The following OR6C6 variants were observed in gnomAD, a reference collection of about 807,000 sequenced individuals.
OR6C6 encodes the protein olfactory receptor family 6 subfamily C member 6, also known as olfactory receptor 6C6.
For missense variants in OR6C6, 411 were observed against 366.8 expected (o/e 1.12, Z -0.98); for synonymous variants, 140 against 135.2 (o/e 1.04, Z -0.25).
Position 55,295,263 on chromosome 12 carries a change from T to C in OR6C6, c.-25-6A>G, listed in dbSNP as rs368801327. The C allele has an allele frequency of 7.6e-5, 108 of 1,421,434 alleles. No homozygotes were observed. The highest frequency in any genetic ancestry group is 7.3e-4 in the Middle Eastern group (4 of 5,460). The allele number at this position is 1,421,434 out of a possible 1,614,324, so 88.1% of individuals were successfully genotyped here. On this transcript the variant is annotated splice_region_variant and splice_polypyrimidine_tract_variant and intron_variant, in intron 1 of 1. Transcript: ENST00000358433. ...TTTTGTGATCCTTATCAAATCTACA[T>C]AGAAAGGGAAAAACAAAATTTATAC... is the stretch of plus-strand genomic sequence containing the variant.
chr12:55,295,456 C>A (rs890765559), intron 1 of OR6C6, among the ~76,000 whole-genome samples, 199 bp from the exon 2 acceptor site: 8 of 152,000 alleles, frequency 5.3e-5, no homozygotes, highest in Non-Finnish European at 8.8e-5. Context: ...ATATTCCTCA[C>A]AAAGTTTCTT....
chr12:55,294,316 T>C lies in OR6C6; in HGVS notation c.917A>G (p.Asn306Ser), dbSNP rs1954571052. 1.9e-6 allele frequency: 3 copies of C among 1,596,904 alleles called. No homozygotes were observed. Among genetic ancestry groups the C allele is most frequent in the Non-Finnish European group, 1.7e-6 (2 of 1,172,988 alleles). Residue 306 changes from asparagine (N) to serine (S), a missense_variant, in exon 2 of 2, where the codon AAT becomes AGT. Physicochemically the swap from Asn to Ser is conservative, Grantham distance 46. Transcript: ENST00000358433. ...AAATGGTCTTTTAGAAAAACACAAATTCTTTTGTAATACATCCCAGAAGAC... is the reference window on the plus strand; with the variant it reads ...AAATGGTCTTTTAGAAAAACACAAACTCTTTTGTAATACATCCCAGAAGAC... Reference protein sequence around the residue: ...KEVFWDVLQKNLCFSKRPF With the variant: ...KEVFWDVLQKSLCFSKRPF
Position 55,295,136 on chromosome 12 carries a change from A to T in OR6C6, c.97T>A (p.Tyr33Asn), listed in dbSNP as rs769300238. ...AAGTTCCCCATCAGGCTCAAGGTGT[A>T]GTTGAGAAATAGAAACAGGAAAATC... ...IVIFLFLFLNYTLSLMGNLII... is the reference protein window; with the variant it reads ...IVIFLFLFLNNTLSLMGNLII... Residue 33 changes from tyrosine to asparagine, a missense_variant, in exon 2 of 2, where the codon TAC becomes AAC. Physicochemically the swap from Tyr to Asn is moderately radical, Grantham distance 143. Transcript: ENST00000358433. The T allele has an allele frequency of 6.2e-7, 1 of 1,613,740 alleles. No individual in the cohort carries two copies.
Position 55,295,057 on chromosome 12 carries a change from AAATAC to A in OR6C6, c.171_175del (p.Met57IlefsTer5). ...CAAAAAGGAGAAATTACGGAGAAAG[AAATAC>A]ATTGGCGTCTTGAGCCGGGGATCCA... is the stretch of plus-strand genomic sequence containing the variant. On this transcript the variant is annotated frameshift_variant, in exon 2 of 2. Transcript: ENST00000358433. LOFTEE classifies it low-confidence loss of function (END_TRUNC). The A allele has an allele frequency of 6.2e-7, 1 of 1,614,060 alleles. No individual in the cohort carries two copies. The highest frequency in any genetic ancestry group is 8.5e-7 in the Non-Finnish European group (1 of 1,180,010).
Position 55,295,049 on chromosome 12 carries a change from G to C in OR6C6, c.184C>G (p.Arg62Gly), listed in dbSNP as rs372117452. ...ATTACTTCCAAAAAGGAGAAATTACGGAGAAAGAAATACATTGGCGTCTTG... is the reference window on the plus strand; with the variant it reads ...ATTACTTCCAAAAAGGAGAAATTACCGAGAAAGAAATACATTGGCGTCTTG... ...RLKTPMYFFL[R>G]NFSFLEVIFT... Residue 62 changes from arginine to glycine, a missense_variant, in exon 2 of 2, where the codon CGT (arginine) becomes GGT (glycine). Transcript: ENST00000358433. 6.2e-7 allele frequency: 1 copy of C among 1,613,962 alleles called. No individual in the cohort carries two copies. Among genetic ancestry groups the C allele is most frequent in the East Asian group, 2.2e-5 (1 of 44,844 alleles).
chr12:55,295,585 C>G (rs1473545581), intron 1 of OR6C6, among the ~76,000 whole-genome samples: 2 of 151,926 alleles, frequency 1.3e-5, no homozygotes, highest in African/African-American at 4.8e-5. Context: ...AAATTTTTTT[C>G]TCTATTATTT....
intron 1 of OR6C6, 71 bp downstream of exon 1, chr12:55,296,248 A>T (rs1297813330): frequency 6.6e-6 from 1 of 152,042 alleles, no homozygotes; most frequent in African/African-American, 2.4e-5. Flanking sequence ...ATTTAACTCC[A>T]TGAGTTGCAC....
In OR6C6 at chr12:55,295,106, T is replaced by C. The variant is rs760918759; in HGVS notation, c.127A>G (p.Ile43Val). The change falls in exon 2 of 2, where the codon ATC becomes GTC. Residue 43 changes from isoleucine (I) to valine (V), a missense_variant. Coordinates refer to ENST00000358433, the MANE Select transcript of OR6C6 (RefSeq NM_001005493.2). The part of the protein sequence containing the change: ...YTLSLMGNLI[I>V]IILTLLDPRL... ...GGATCCAGCAGGGTGAGGATGATGA[T>C]GATTAAGTTCCCCATCAGGCTCAAG... 5 of 1,613,846 alleles carry C rather than the reference T, an allele frequency of 3.1e-6. No individual in the cohort carries two copies. The highest frequency in any genetic ancestry group is 4.2e-6 in the Non-Finnish European group (5 of 1,179,932).
rs201232855 is a variant in OR6C6, at chr12:55,294,245, G to A, written c.*43C>T. 7.2e-4 allele frequency: 917 copies of A among 1,265,568 alleles called. No homozygotes were observed. The highest frequency in any genetic ancestry group is 7.7e-4 in the Non-Finnish European group (684 of 890,464). The allele number at this position is 1,265,568 out of a possible 1,614,324, so 78.4% of individuals were successfully genotyped here. ...CAGGCATGAGCCACCATGCCAGGCC[G>A]TTTTCCAGTTTTTATGGTAAAGTTG... On this transcript the variant is annotated 3_prime_UTR_variant, in exon 2 of 2. Transcript: ENST00000358433.
chr12:55,294,499 A>G lies in OR6C6; in HGVS notation c.734T>C (p.Val245Ala), dbSNP rs546932827. 5 of 1,613,742 alleles carry G rather than the reference A, an allele frequency of 3.1e-6. No individual in the cohort carries two copies. Among genetic ancestry groups the G allele is most frequent in the African/African-American group, 1.3e-5 (1 of 75,028 alleles). ...AFSTCTSHMI[V>A]VSMTYGSCIF... ...ACAGCTACCGTATGTCATGGAGACA[A>G]CAATCATGTGGGAAGTACAGGTGGA... Residue 245 changes from valine (V) to alanine (A), a missense_variant, in exon 2 of 2, where the codon GTT (valine) becomes GCT (alanine). Physicochemically the swap from Val to Ala is moderately conservative, Grantham distance 64. Coordinates refer to ENST00000358433, the MANE Select transcript of OR6C6 (RefSeq NM_001005493.2).
intron 1 of OR6C6, among the ~76,000 whole-genome samples, chr12:55,295,799 A>G (rs1178413377): frequency 6.6e-6 from 1 of 152,010 alleles, no homozygotes; most frequent in Non-Finnish European, 1.5e-5. Context: ...CATATTATTA[A>G]CATTATTTTT....
rs1358580113 is a variant in OR6C6 at position 55,294,608 on chromosome 12, G to T, written c.625C>A (p.Leu209Met). Residue 209 changes from leucine to methionine, a missense_variant, in exon 2 of 2, where the codon CTG becomes ATG. Leu to Met is a conservative substitution (Grantham distance 15). Coordinates refer to ENST00000358433, the MANE Select transcript of OR6C6 (RefSeq NM_001005493.2). ...GTGTAAGAGAGAATCACTAATACCA[G>T]TGTGACCACAAGTGTCACCACAGCT... ...TLAVVTLVVT[L>M]VLVILSYTCI... is the part of the protein sequence containing the mutation. The T allele has an allele frequency of 3.1e-6, 5 of 1,613,948 alleles. No homozygotes were observed. Among genetic ancestry groups the T allele is most frequent in the Non-Finnish European group, 4.2e-6 (5 of 1,179,854 alleles).
chr12:55,295,057 A>G lies in OR6C6; in HGVS notation c.176T>C (p.Phe59Ser). The G allele has an allele frequency of 6.2e-7, 1 of 1,614,060 alleles. No homozygotes were observed. Among genetic ancestry groups the G allele is most frequent in the Non-Finnish European group, 8.5e-7 (1 of 1,180,010 alleles). Residue 59 changes from phenylalanine to serine, a missense_variant, in exon 2 of 2, where the codon TTC becomes TCC. Transcript: ENST00000358433. ...CAAAAAGGAGAAATTACGGAGAAAG[A>G]AATACATTGGCGTCTTGAGCCGGGG... is the stretch of plus-strand genomic sequence containing the variant. ...LDPRLKTPMYFFLRNFSFLEV... is the reference protein window; with the variant it reads ...LDPRLKTPMYSFLRNFSFLEV...
rs757658611 is a variant in OR6C6, at chr12:55,295,048, C to G, written c.185G>C (p.Arg62Pro). 1.2e-6 allele frequency: 2 copies of G among 1,613,700 alleles called. No homozygotes were observed. The highest frequency in any genetic ancestry group is 1.1e-5 in the South Asian group (1 of 91,074). ...RLKTPMYFFL[R>P]NFSFLEVIFT... ...TATTACTTCCAAAAAGGAGAAATTACGGAGAAAGAAATACATTGGCGTCTT... is the reference window on the plus strand; with the variant it reads ...TATTACTTCCAAAAAGGAGAAATTAGGGAGAAAGAAATACATTGGCGTCTT... The change falls in exon 2 of 2, where the codon CGT becomes CCT. Residue 62 changes from arginine (R) to proline (P), a missense_variant. Physicochemically the swap from Arg to Pro is moderately radical, Grantham distance 103 (BLOSUM62 -2). Transcript: ENST00000358433.
In OR6C6 at chr12:55,294,437, C is replaced by A; in HGVS notation, c.796G>T (p.Val266Leu). The A allele has an allele frequency of 1.2e-6, 2 of 1,613,642 alleles. No individual in the cohort carries two copies. Among genetic ancestry groups the A allele is most frequent in the Non-Finnish European group, 1.7e-6 (2 of 1,179,596 alleles). ...MYIKPSAKERVTVSKGVALLY... is the reference protein window; with the variant it reads ...MYIKPSAKERLTVSKGVALLY... The stretch of plus-strand genomic sequence containing the variant: ...AAAGCTACACCTTTGGATACAGTCA[C>A]TCTTTCTTTTGCAGATGGTTTAATA... Residue 266 changes from valine to leucine, a missense_variant, in exon 2 of 2, where the codon GTG becomes TTG. Coordinates refer to ENST00000358433, the MANE Select transcript of OR6C6 (RefSeq NM_001005493.2).
At chr12:55,295,877 GATAAA>G (rs1868254395) in intron 1 of OR6C6, among the ~76,000 whole-genome samples, 3 of 151,776 alleles carry the variant, frequency 2.0e-5, no homozygotes, top group South Asian at 4.1e-4. Flanking sequence ...ATGAAAACAT[GATAAA>G]ATAAAGAAGT....
Position 55,294,159 on chromosome 12 carries a change from T to TCACCATGTTGGCCA in OR6C6, c.*128_*129insTGGCCAACATGGTG. On this transcript the variant is annotated 3_prime_UTR_variant, in exon 2 of 2. Transcript: ENST00000358433. The stretch of plus-strand genomic sequence containing the variant: ...CGGGGTTTCACCATGTTGGCCAGGC[T>TCACCATGTTGGCCA]GGTCTCGAACTCCTGACCTCAGGTA... The TCACCATGTTGGCCA allele has an allele frequency of 1.7e-6, 1 of 599,284 alleles. No homozygotes were observed. The allele number at this position is 599,284 out of a possible 1,614,324, so 37.1% of individuals were successfully genotyped here. A position where few individuals can be genotyped will look rare whatever the true frequency, so the allele number is the denominator to read the frequency against.
At chr12:55,296,204 A>G (rs1868255810) in intron 1 of OR6C6, 115 bp downstream of exon 1, 1 of 152,028 alleles carries the variant, frequency 6.6e-6, no homozygotes, top group African/African-American at 2.4e-5. Flanking sequence ...TACTATTAAA[A>G]CACATTTATA....
chr12:55,294,922 A>G lies in OR6C6; in HGVS notation c.311T>C (p.Leu104Ser), dbSNP rs751985604. The G allele has an allele frequency of 1.4e-5, 22 of 1,613,824 alleles. No homozygotes were observed. The highest frequency in any genetic ancestry group is 1.8e-5 in the Non-Finnish European group (21 of 1,179,936). The change falls in exon 2 of 2, where the codon TTA becomes TCA. Residue 104 changes from leucine to serine, a missense_variant. By Grantham distance (145) the Leu-to-Ser change is moderately radical. Transcript: ENST00000358433. ...NCATQLFFILLPGVTEFYLLA... is the reference protein window; with the variant it reads ...NCATQLFFILSPGVTEFYLLA... Reference sequence around the variant, plus strand: ...GAGGTAAAACTCAGTAACTCCCGGTAAAAGGATAAAAAATAATTGAGTTGC... The same window carrying G: ...GAGGTAAAACTCAGTAACTCCCGGTGAAAGGATAAAAAATAATTGAGTTGC...
Sources: gnomAD v4.1 joint callset for allele counts (sites outside exome capture counted in the v4.1 genomes callset) on GRCh38, gnomAD v4.1.1 for gene constraint, MANE v1.5 for transcripts, NCBI Gene and HGNC (gene_info 2026-07-23, HGNC 2026-07-21) for gene names.